The following LATS2 variants were observed in gnomAD, a reference collection of about 807,000 sequenced individuals.
LATS2 encodes serine/threonine-protein kinase LATS2.
A neutral mutation model predicts 76.0 loss-of-function variants in LATS2; 24 were observed. The ratio of observed to expected loss-of-function variants is 0.32; its 90% confidence interval spans 0.23 to 0.44. The LOEUF is 0.44. LATS2 is among the 20% of genes least tolerant of loss of function. The pLI, the probability that LATS2 is intolerant of heterozygous loss-of-function variation, is 1.00. For missense variants in LATS2, 1,286 were observed against 1,481.2 expected (o/e 0.87, Z 2.16); for synonymous variants, 692 against 635.4 (o/e 1.09, Z -1.34).
chr13:20,984,434 G>C (rs1870050982), intron 4 of LATS2, among the ~76,000 whole-genome samples: 1 of 152,180 alleles, frequency 6.6e-6, no homozygotes, highest in Admixed American at 6.5e-5. Flanking sequence ...GGGAAAATGG[G>C]AAAGCAGGAA....
chr13:21,041,747 G>A (rs1441537017), intron 2 of LATS2, among the ~76,000 whole-genome samples: 1 of 152,118 alleles, frequency 6.6e-6, no homozygotes, highest in Non-Finnish European at 1.5e-5. Context: ...GACACCATGT[G>A]ATAAAGTGCT....
chr13:21,013,857 G>A lies in LATS2; in HGVS notation c.343-22453C>T, dbSNP rs949860494. On this transcript the variant is annotated intron_variant, in intron 2 of 7. Coordinates refer to ENST00000382592, the MANE Select transcript of LATS2 (RefSeq NM_014572.3). ...GTGACCACACATGCCTGTGGTCCCA[G>A]CTACTCAAGAGGCTAAGATGGGAGG... Among the ~76,000 whole-genome samples, 3 of 152,040 alleles carry A rather than the reference G, an allele frequency of 2.0e-5. No individual in the cohort carries two copies. The South Asian group carries it at 6.2e-4, about 32-fold the overall frequency.
intron 2 of LATS2, among the ~76,000 whole-genome samples, chr13:21,014,586 A>G (rs1387964512): frequency 3.3e-5 from 5 of 152,224 alleles, no homozygotes; most frequent in Non-Finnish European, 1.5e-5. Flanking sequence ...CTAGGAGGAC[A>G]TGAGAAGGAA....
At chr13:21,001,952 C>G (rs570276799) in intron 2 of LATS2, among the ~76,000 whole-genome samples, 1 of 151,546 alleles carries the variant, frequency 6.6e-6, no homozygotes, top group Non-Finnish European at 1.5e-5. Context: ...CTCGCTCTGT[C>G]GCCCAGGCTG....
rs1870492522 is a variant in LATS2, at chr13:20,991,195, G to C, written c.475+77C>G. 6.4e-7 allele frequency: 1 copy of C among 1,564,502 alleles called. No homozygotes were observed. Among genetic ancestry groups the C allele is most frequent in the Non-Finnish European group, 8.7e-7 (1 of 1,143,274 alleles). On this transcript the variant is annotated intron_variant, in intron 3 of 7. Coordinates refer to ENST00000382592, the MANE Select transcript of LATS2 (RefSeq NM_014572.3). This position sits in a 1 kb window ranked among gnomAD's most constrained non-coding sequence, Gnocchi z 4.9. ...GGCTCTGGCCAGGCCAGGCCAGGTT[G>C]GACCCCTCTGCACGTGGTTTTGTTG...
intron 2 of LATS2, among the ~76,000 whole-genome samples, chr13:21,004,055 G>A (rs1467209736): frequency 2.0e-5 from 3 of 152,042 alleles, no homozygotes; most frequent in African/African-American, 4.8e-5. Flanking sequence ...AAAAACATAC[G>A]CCAATTTTAA....
chr13:21,042,542 G>A (rs1427680615), intron 2 of LATS2, among the ~76,000 whole-genome samples: 4 of 152,080 alleles, frequency 2.6e-5, no homozygotes, highest in Non-Finnish European at 4.4e-5. Flanking sequence ...TTTGAAAACT[G>A]GCCAGACGTG....
At chr13:20,976,330 C>T (rs182517500) in intron 7 of LATS2, among the ~76,000 whole-genome samples, 165 of 152,244 alleles carry the variant, frequency 1.1e-3, no homozygotes, top group African/African-American at 3.8e-3. Context: ...TTTCATAGAG[C>T]TAAAACTGTA....
chr13:20,983,048 A>G (rs1027462843), intron 5 of LATS2, among the ~76,000 whole-genome samples, 176 bp downstream of exon 5: 6 of 151,838 alleles, frequency 4.0e-5, no homozygotes, highest in Non-Finnish European at 8.8e-5. Context: ...AAAAAAATGC[A>G]TATCACACTA....
At chr13:21,008,917 G>A (rs896310822) in intron 2 of LATS2, among the ~76,000 whole-genome samples, 1 of 152,110 alleles carries the variant, frequency 6.6e-6, no homozygotes, top group Non-Finnish European at 1.5e-5. Context: ...GGGGAAAACT[G>A]GAAACTATCT....
intron 2 of LATS2, among the ~76,000 whole-genome samples, chr13:21,028,863 C>T (rs1211681629): frequency 1.3e-5 from 2 of 152,214 alleles, no homozygotes; most frequent in Non-Finnish European, 2.9e-5. Flanking sequence ...CCACCGTACC[C>T]GGCCAAATTT....
chr13:21,044,359 A>G (rs1872987337), intron 2 of LATS2, among the ~76,000 whole-genome samples: 1 of 152,204 alleles, frequency 6.6e-6, no homozygotes, highest in Non-Finnish European at 1.5e-5. Flanking sequence ...AGGAGTATGT[A>G]ATTAGGTTAT....
intron 7 of LATS2, 149 bp from the exon 8 acceptor site, chr13:20,975,513 C>A (rs1869575325): frequency 2.4e-6 from 2 of 838,024 alleles, no homozygotes; most frequent in South Asian, 4.2e-5. Context: ...TTGATCTCAG[C>A]AGCCACAAAA....
chr13:20,983,220 A>G lies in LATS2; in HGVS notation c.2482+4T>C, dbSNP rs746429950. 1.2e-6 allele frequency: 2 copies of G among 1,602,830 alleles called. No homozygotes were observed. The highest frequency in any genetic ancestry group is 2.2e-5 in the South Asian group (2 of 90,540). On this transcript the variant is annotated splice_donor_region_variant and intron_variant, in intron 5 of 7. Transcript: ENST00000382592. The stretch of plus-strand genomic sequence containing the variant: ...AAGTGCATGTGGCACACTTCAGACA[A>G]TACCTTTCTGGTAATATTTGGAATT...
At chr13:21,033,273 T>C (rs531669701) in intron 2 of LATS2, among the ~76,000 whole-genome samples, 32 of 151,324 alleles carry the variant, frequency 2.1e-4, no homozygotes, top group African/African-American at 7.0e-4. Context: ...TGGGAGAGAA[T>C]AGGGGGTAGA....
At chr13:21,036,085 C>T (rs181081556) in intron 2 of LATS2, among the ~76,000 whole-genome samples, 37 of 152,168 alleles carry the variant, frequency 2.4e-4, no homozygotes, top group Admixed American at 2.4e-3. Flanking sequence ...TTTTAATAGA[C>T]GGGTTTCACC....
chr13:20,998,639 G>A (rs1019496315), intron 2 of LATS2, among the ~76,000 whole-genome samples: 9 of 152,198 alleles, frequency 5.9e-5, no homozygotes, highest in East Asian at 1.9e-4. Flanking sequence ...GAGGCCCTCC[G>A]GGCCCAGGCC....
chr13:21,035,484 G>A (rs760153697), intron 2 of LATS2, among the ~76,000 whole-genome samples: 3 of 152,160 alleles, frequency 2.0e-5, no homozygotes, highest in Non-Finnish European at 4.4e-5. Flanking sequence ...CCCAGAACTC[G>A]GAGCCCCTCT....
rs1186633370 is a variant in LATS2 at position 20,975,111 on chromosome 13, C to T, written c.3026G>A (p.Ser1009Asn). Residue 1009 changes from serine (S) to asparagine (N), a missense_variant, in exon 8 of 8, where the codon AGC becomes AAC. Physicochemically the swap from Ser to Asn is conservative, Grantham distance 46 (BLOSUM62 1). This residue lies in a region of LATS2 where 210 missense variants were observed against 234.9 expected (regional missense o/e 0.89). Coordinates refer to ENST00000382592, the MANE Select transcript of LATS2 (RefSeq NM_014572.3). The part of the protein sequence containing the change: ...TSNFDPVDEE[S>N]PWNDASEGST... ...ACCTTCGCTGGCATCGTTCCAAGGG[C>T]TTTCTTCATCTACGGGGTCGAAATT... 1 of 1,614,100 alleles carries T rather than the reference C, an allele frequency of 6.2e-7. No homozygotes were observed. Among genetic ancestry groups the T allele is most frequent in the Non-Finnish European group, 8.5e-7 (1 of 1,180,054 alleles).
Sources: gnomAD v4.1 joint callset for allele counts (sites outside exome capture counted in the v4.1 genomes callset) on GRCh38, gnomAD v4.1.1 for gene constraint, gnomAD v4.1.1 regional missense constraint, Gnocchi (gnomAD v3.1) non-coding constraint, MANE v1.5 for transcripts, NCBI Gene and HGNC (gene_info 2026-07-23, HGNC 2026-07-21) for gene names.